The following CAST variants were observed in gnomAD, a reference collection of about 807,000 sequenced individuals.
The protein encoded by CAST is MIR583 host.
CAST carries 76 observed loss-of-function variants against 119.6 expected under a neutral mutation model. That is an observed-to-expected ratio of 0.64 (90% confidence interval 0.53 to 0.77). CAST has a LOEUF of 0.77. Among genes scored for constraint, CAST ranks in the 30% least tolerant of loss-of-function variants. The pLI is 0.00. For missense variants in CAST, 953 were observed against 946.5 expected (o/e 1.01, Z -0.09); for synonymous variants, 319 against 331.6 (o/e 0.96, Z 0.41).
At chr5:96,731,894 C>G (rs1760608515) in intron 9 of CAST, among the ~76,000 whole-genome samples, 1 of 152,176 alleles carries the variant, frequency 6.6e-6, no homozygotes, top group South Asian at 2.1e-4. Flanking sequence ...TCTTAATCCA[C>G]TCTGTCATTG....
At chr5:95,977,658 CTTTTT>C in the CAST span, among the ~76,000 whole-genome samples, 1 of 151,536 alleles carries the variant, frequency 6.6e-6, no homozygotes, top group African/African-American at 2.4e-5. Context: ...TTTTTTTTCA[CTTTTT>C]TTTAAGTTCA....
the CAST span, among the ~76,000 whole-genome samples, chr5:96,378,498 C>T: frequency 6.6e-6 from 1 of 151,910 alleles, no homozygotes; most frequent in African/African-American, 2.4e-5. Flanking sequence ...CTTGATAAAC[C>T]TGAAAAATGT....
At chr5:95,961,912 C>T in the CAST span, 7 of 714,262 alleles carry the variant, frequency 9.8e-6, no homozygotes, top group Non-Finnish European at 1.5e-5. Flanking sequence ...GGCCCCGCGC[C>T]CCGCCCCGGG....
At chr5:96,269,923 A>G in the CAST span, among the ~76,000 whole-genome samples, 3 of 151,844 alleles carry the variant, frequency 2.0e-5, no homozygotes, top group Non-Finnish European at 2.9e-5. Context: ...CCAAAACTAG[A>G]CAAGGACACA....
At chr5:96,459,310 T>G in the CAST span, among the ~76,000 whole-genome samples, 2 of 152,176 alleles carry the variant, frequency 1.3e-5, no homozygotes, top group South Asian at 4.1e-4. Flanking sequence ...CCTTTTTATA[T>G]CATTCATTTC....
the CAST span, among the ~76,000 whole-genome samples, chr5:96,049,889 CAAAAAAAAAA>C: frequency 9.1e-4 from 31 of 34,190 alleles, no homozygotes; most frequent in Admixed American, 2.0e-3. Flanking sequence ...GAACAGGAGG[CAAAAAAAAAA>C]AAAAAAAAAA....
At chr5:96,423,315 A>G in the CAST span, 391 of 1,607,970 alleles carry the variant, frequency 2.4e-4, no homozygotes, top group Non-Finnish European at 3.2e-4. Flanking sequence ...ACACTTACAT[A>G]GTTGGCATAA....
At chr5:96,478,601 G>A in the CAST span, among the ~76,000 whole-genome samples, 2 of 152,348 alleles carry the variant, frequency 1.3e-5, no homozygotes, top group African/African-American at 4.8e-5. Context: ...TGTGGTTGCA[G>A]GTGGTGCTTA....
intron 1 of CAST, among the ~76,000 whole-genome samples, chr5:96,566,707 A>T (rs2150186056): frequency 6.6e-6 from 1 of 152,352 alleles, no homozygotes; most frequent in Non-Finnish European, 1.5e-5. Context: ...TCGCAATTTT[A>T]AAATGCACAC....
the CAST span, among the ~76,000 whole-genome samples, chr5:96,160,441 T>G: frequency 9.2e-5 from 14 of 152,312 alleles, no homozygotes; most frequent in African/African-American, 3.4e-4. Context: ...GTATCAGTAC[T>G]TTATTCCTTG....
the CAST span, among the ~76,000 whole-genome samples, chr5:96,135,604 A>G: frequency 9.2e-5 from 14 of 152,190 alleles, no homozygotes; most frequent in Non-Finnish European, 2.1e-4. Flanking sequence ...TTGAGATCTC[A>G]GATCTATAGC....
chr5:96,278,275 A>C, the CAST span, among the ~76,000 whole-genome samples: 1 of 152,172 alleles, frequency 6.6e-6, no homozygotes, highest in Non-Finnish European at 1.5e-5. Flanking sequence ...TCCTAGAACC[A>C]CAGGCTGGCC....
the CAST span, among the ~76,000 whole-genome samples, chr5:96,375,887 ATC>A: frequency 8.2e-4 from 113 of 138,576 alleles, no homozygotes; most frequent in African/African-American, 2.7e-3. Flanking sequence ...CTTAAAATAA[ATC>A]TCTCTCTCTC....
At chr5:96,000,588 G>A in the CAST span, among the ~76,000 whole-genome samples, 2 of 152,252 alleles carry the variant, frequency 1.3e-5, no homozygotes, top group Admixed American at 6.5e-5. Flanking sequence ...GGAGGTATAT[G>A]TCCATAACTA....
At chr5:96,491,954 G>A in the CAST span, among the ~76,000 whole-genome samples, 4 of 152,154 alleles carry the variant, frequency 2.6e-5, no homozygotes, top group African/African-American at 9.7e-5. Flanking sequence ...CTAATGTATT[G>A]GGACAGAGCC....
chr5:96,322,150 T>C, the CAST span, among the ~76,000 whole-genome samples: 2 of 152,152 alleles, frequency 1.3e-5, no homozygotes, highest in African/African-American at 4.8e-5. Flanking sequence ...CCCAATTTAT[T>C]TGGTGGTCTA....
At chr5:96,264,692 T>C in the CAST span, among the ~76,000 whole-genome samples, 6 of 152,224 alleles carry the variant, frequency 3.9e-5, no homozygotes, top group Admixed American at 3.9e-4. Flanking sequence ...CTGTGGGCAT[T>C]TGACTTCCTC....
chr5:96,593,589 TG>T (rs781426277), intron 1 of CAST, among the ~76,000 whole-genome samples: 5 of 152,226 alleles, frequency 3.3e-5, no homozygotes, highest in Non-Finnish European at 7.3e-5. Context: ...TGCAATGGAC[TG>T]AATGAGCAGA....
intron 1 of CAST, among the ~76,000 whole-genome samples, chr5:96,639,837 G>C (rs1413607655): frequency 6.6e-6 from 1 of 152,056 alleles, no homozygotes; most frequent in Non-Finnish European, 1.5e-5. Flanking sequence ...CTCAACTTTG[G>C]ATGGCATTTA....
Sources: allele counts gnomAD v4.1 joint callset (sites outside exome capture counted in the v4.1 genomes callset), GRCh38; gene constraint gnomAD v4.1.1; transcripts MANE v1.5; gene names NCBI Gene and HGNC (gene_info 2026-07-23, HGNC 2026-07-21).